The following B4GALT1 variants were observed in gnomAD, a reference collection of about 807,000 sequenced individuals.
The protein encoded by B4GALT1 is N-acetyllactosamine synthase.
Under a neutral mutation model 34.9 loss-of-function variants are expected in B4GALT1, and 16 were observed. The ratio of observed to expected loss-of-function variants is 0.46; its 90% CI spans 0.31 to 0.70. The LOEUF is 0.70. Ranked by LOEUF, B4GALT1 falls within the 30% of genes least tolerant of loss-of-function variation. The pLI, the probability that B4GALT1 is intolerant of heterozygous loss-of-function variation, is 0.05. For missense variants in B4GALT1, 445 were observed against 530.5 expected, an observed-to-expected ratio of 0.84 and a Z score of 1.58; for synonymous variants, 221 against 218.1, an observed-to-expected ratio of 1.01 and a Z score of -0.12.
chr9:33,119,017 A>G (rs1353078459), intron 3 of B4GALT1, among the ~76,000 whole-genome samples: 4 of 151,970 alleles, frequency 2.6e-5, no homozygotes, highest in Non-Finnish European at 5.9e-5. Flanking sequence ...ACCTGCCACC[A>G]CACCTGGCTA....
chr9:33,129,964 C>A (rs541459619), intron 2 of B4GALT1, among the ~76,000 whole-genome samples: 5 of 152,114 alleles, frequency 3.3e-5, no homozygotes, highest in Admixed American at 2.6e-4. Flanking sequence ...CCATTTAGAC[C>A]GTTGCCTGTA....
In B4GALT1 at chr9:33,167,291, G is replaced by A; in HGVS notation, c.-122C>T. 7.9e-7 allele frequency: 1 copy of A among 1,262,910 alleles called. No individual in the cohort carries two copies. The highest frequency in any genetic ancestry group is 1.0e-6 in the Non-Finnish European group (1 of 965,712). 78.2% of individuals were successfully genotyped at this position (1,262,910 alleles called of 1,614,324 possible). On this transcript the variant is annotated 5_prime_UTR_variant, in exon 1 of 6. Coordinates refer to ENST00000379731, the MANE Select transcript of B4GALT1 (RefSeq NM_001497.4). ...GGGAGGGCCCGGAGCGGGGGCGGGC[G>A]AGCGGCTGAGAGCTGAGACTCCTCC...
In B4GALT1 at chr9:33,167,137, G is replaced by C. The variant is rs781712897; in HGVS notation, c.33C>G (p.Ser11Arg). MRLREPLLSG[S>R]AAMPGASLQR... ...GTAGGGACGCGCCTGGCATCGCGGC[G>C]CTGCCGCTCAGGAGCGGCTCCCGAA... The change falls in exon 1 of 6, where the codon AGC becomes AGG. Residue 11 changes from serine (S) to arginine (R), a missense_variant. By Grantham distance (110) the Ser-to-Arg change is moderately radical. Coordinates refer to ENST00000379731, the MANE Select transcript of B4GALT1 (RefSeq NM_001497.4). The C allele has an allele frequency of 5.0e-6, 8 of 1,600,978 alleles. No homozygotes were observed. The highest frequency in any genetic ancestry group is 6.0e-6 in the Non-Finnish European group (7 of 1,176,244).
the B4GALT1 span, among the ~76,000 whole-genome samples, chr9:33,175,021 A>ATATAT: frequency 3.2e-4 from 19 of 58,550 alleles, no homozygotes; most frequent in Non-Finnish European, 5.0e-4. Flanking sequence ...ATATATATAT[A>ATATAT]AAATTGGAGG....
the B4GALT1 span, chr9:33,179,836 A>C: frequency 3.3e-5 from 5 of 152,322 alleles, no homozygotes; most frequent in Non-Finnish European, 7.3e-5. Context: ...TTCAACTTAC[A>C]ATATTTTCAA....
chr9:33,108,259 G>A (rs1043021762), downstream of B4GALT1, among the ~76,000 whole-genome samples: 2 of 152,040 alleles, frequency 1.3e-5, no homozygotes, highest in Admixed American at 1.3e-4. Context: ...AAGCCCAGGA[G>A]TTTGAATCCA....
intron 2 of B4GALT1, among the ~76,000 whole-genome samples, chr9:33,125,659 CGA>C (rs35233105): frequency 0.22 from 33,848 of 151,892 alleles, 4,447 homozygotes; most frequent in South Asian, 0.3. Flanking sequence ...AGGGGCGGGG[CGA>C]GAGGTTCAGG....
intron 1 of B4GALT1, among the ~76,000 whole-genome samples, chr9:33,142,887 G>GT (rs1468290732): frequency 6.6e-6 from 1 of 152,200 alleles, no homozygotes; most frequent in Non-Finnish European, 1.5e-5. Flanking sequence ...GCTCACACCT[G>GT]TAATTCCAGC....
chr9:33,132,100 AG>A (rs1840201100), intron 2 of B4GALT1, among the ~76,000 whole-genome samples: 2 of 152,226 alleles, frequency 1.3e-5, no homozygotes, highest in African/African-American at 4.8e-5. Flanking sequence ...AAGGATGAAG[AG>A]AAAAAAAAGT....
At chr9:33,142,260 C>A (rs7873077) in intron 1 of B4GALT1, among the ~76,000 whole-genome samples, 54,949 of 151,972 alleles carry the variant, frequency 0.36, 10,471 homozygotes, top group East Asian at 0.6. Flanking sequence ...GGATTACAGG[C>A]ACGAGCCACC....
In B4GALT1 at chr9:33,166,966, G is replaced by A. The variant is rs1337660729; in HGVS notation, c.204C>T (p.Ala68=). 4 of 1,581,238 alleles carry A rather than the reference G, an allele frequency of 2.5e-6. No individual in the cohort carries two copies. The highest frequency in any genetic ancestry group is 2.3e-5 in the East Asian group (1 of 44,056). Residue 68 remains alanine (A), a synonymous_variant, in exon 1 of 6, where the codon GCC becomes GCT. Transcript: ENST00000379731. ...GCTCCCCGGAGGACTGCCCGATGGC[G>A]GCGGCACTGTTCGAGCCGCCCTGCA... ...TPLQGGSNSA[A]AIGQSSGELR...
intron 3 of B4GALT1, among the ~76,000 whole-genome samples, chr9:33,118,617 C>A (rs1216150418): frequency 2.0e-5 from 3 of 151,764 alleles, no homozygotes; most frequent in Non-Finnish European, 4.4e-5. Context: ...CTATAGTGAG[C>A]CATGATCACG....
At chr9:33,170,880 G>A (rs1422103839), upstream of B4GALT1, among the ~76,000 whole-genome samples, 2 of 152,182 alleles carry the variant, frequency 1.3e-5, no homozygotes, top group African/African-American at 2.4e-5. Context: ...CCCATCCGGC[G>A]AGACAAATGC....
chr9:33,180,193 T>C, the B4GALT1 span, among the ~76,000 whole-genome samples: 3 of 152,130 alleles, frequency 2.0e-5, no homozygotes, highest in African/African-American at 7.2e-5. Flanking sequence ...CACACCACCA[T>C]GCCCAGCTCC....
chr9:33,169,174 G>C (rs898158897), upstream of B4GALT1, among the ~76,000 whole-genome samples: 7 of 152,276 alleles, frequency 4.6e-5, no homozygotes, highest in African/African-American at 1.7e-4. Context: ...TTTCCACAGA[G>C]CATCCAGGAA....
chr9:33,129,609 A>G (rs3780491), intron 2 of B4GALT1, among the ~76,000 whole-genome samples: 79,137 of 152,070 alleles, frequency 0.52, 21,217 homozygotes, highest in African/African-American at 0.65. Flanking sequence ...GTGTGGTCAG[A>G]GAGAAAGAAG....
chr9:33,178,531 T>C, the B4GALT1 span, among the ~76,000 whole-genome samples: 2 of 152,212 alleles, frequency 1.3e-5, no homozygotes, highest in Admixed American at 1.3e-4. Context: ...ACTATACTTG[T>C]TCTCATGACC....
chr9:33,112,299 G>C lies in B4GALT1; in HGVS notation c.*1155C>G, dbSNP rs180823182. Reference sequence around the variant, plus strand: ...CTAGGGGCCTGAGGGGTCAGTCTAAGGAGGCTGAGGCTCCCTCCGCCCTGC... The same window carrying C: ...CTAGGGGCCTGAGGGGTCAGTCTAACGAGGCTGAGGCTCCCTCCGCCCTGC... On this transcript the variant is annotated 3_prime_UTR_variant, in exon 6 of 6. Coordinates refer to ENST00000379731, the MANE Select transcript of B4GALT1 (RefSeq NM_001497.4). 1 of 152,458 alleles carries C rather than the reference G, an allele frequency of 6.6e-6. No individual in the cohort carries two copies. The highest frequency in any genetic ancestry group is 1.5e-5 in the Non-Finnish European group (1 of 68,140). The allele number at this position is 152,458 out of a possible 1,614,324, so 9.4% of individuals were successfully genotyped here. A position where few individuals can be genotyped will look rare whatever the true frequency, so the allele number is the denominator to read the frequency against.
chr9:33,175,529 T>G, the B4GALT1 span, among the ~76,000 whole-genome samples: 125,376 of 152,076 alleles, frequency 0.82, 52,377 homozygotes, highest in Middle Eastern at 0.94. Flanking sequence ...CGTAACAACA[T>G]TTCAGTCAAC....
Sources: gnomAD v4.1 joint callset for allele counts (sites outside exome capture counted in the v4.1 genomes callset) on GRCh38, gnomAD v4.1.1 for gene constraint, MANE v1.5 for transcripts, NCBI Gene and HGNC (gene_info 2026-07-23, HGNC 2026-07-21) for gene names.